Variants in CCDC102B observed in about 807,000 individuals in gnomAD.
CCDC102B encodes coiled-coil domain-containing protein 102B.
In CCDC102B, 75 loss-of-function variants were observed where a neutral mutation model predicts 57.4. The observed-to-expected ratio is 1.31, with a 90% CI of 1.08 to 1.58. The LOEUF (loss-of-function observed/expected upper bound fraction) is 1.58, where lower values mean the gene tolerates loss of function less well. CCDC102B is among the 40% of genes most tolerant of loss of function. The pLI is 0.00. For missense variants in CCDC102B, 636 were observed against 582.6 expected, an observed-to-expected ratio of 1.09 and a Z score of -0.94; for synonymous variants, 206 against 201.9, an observed-to-expected ratio of 1.02 and a Z score of -0.17.
At chr18:68,804,342 A>T (rs1283329539) in intron 1 of CCDC102B, among the ~76,000 whole-genome samples, 2 of 152,198 alleles carry the variant, frequency 1.3e-5, no homozygotes, top group Admixed American at 1.3e-4. Flanking sequence ...CTGATTAGAT[A>T]TCCTTAGTGA....
chr18:68,884,583 TACACACAC>T (rs35333428), intron 5 of CCDC102B, among the ~76,000 whole-genome samples: 1 of 147,898 alleles, frequency 6.8e-6, no homozygotes, highest in Non-Finnish European at 1.5e-5. Context: ...ACAATACAAA[TACACACAC>T]ACACACACAC....
At chr18:68,836,705 A>C in intron 1 of CCDC102B, 44 bp from the exon 2 acceptor site, 1 of 1,460,580 alleles carries the variant, frequency 6.8e-7, no homozygotes, top group Non-Finnish European at 9.2e-7. Flanking sequence ...CTGTATTTAC[A>C]AGGGAAATTT....
chr18:68,998,485 A>G (rs1478203084), intron 6 of CCDC102B, among the ~76,000 whole-genome samples: 1 of 149,798 alleles, frequency 6.7e-6, no homozygotes, highest in Non-Finnish European at 1.5e-5. Flanking sequence ...CTAATAGGAT[A>G]GATGCATAGG....
At chr18:68,789,190 G>A (rs534867206) in intron 2 of CCDC102B, among the ~76,000 whole-genome samples, 4 of 152,238 alleles carry the variant, frequency 2.6e-5, no homozygotes, top group African/African-American at 4.8e-5. Context: ...CGTTTCTGCC[G>A]AGAGATCTGC....
intron 6 of CCDC102B, among the ~76,000 whole-genome samples, chr18:68,987,943 G>A (rs926503779): frequency 5.3e-5 from 8 of 152,186 alleles, no homozygotes; most frequent in East Asian, 1.9e-4. Context: ...TACACTGTTG[G>A]CAGGAATGTA....
intron 5 of CCDC102B, among the ~76,000 whole-genome samples, chr18:68,887,275 C>A (rs2039923215): frequency 6.6e-6 from 1 of 152,030 alleles, no homozygotes; most frequent in Admixed American, 6.6e-5. Flanking sequence ...CAGGTAAAAA[C>A]AAGCGTAATA....
chr18:69,011,359 C>A (rs955449010), intron 7 of CCDC102B: 6 of 320,660 alleles, frequency 1.9e-5, no homozygotes, highest in Non-Finnish European at 3.1e-5. Flanking sequence ...TGTGCACGTG[C>A]GCATGTGTGT....
At chr18:68,769,269 A>G (rs1213361009) in intron 2 of CCDC102B, among the ~76,000 whole-genome samples, 1 of 151,864 alleles carries the variant, frequency 6.6e-6, no homozygotes, top group African/African-American at 2.4e-5. Context: ...AAAAAAAAAA[A>G]GATTGAATCG....
chr18:68,865,323 A>C (rs1265880559), intron 4 of CCDC102B, among the ~76,000 whole-genome samples: 1 of 152,004 alleles, frequency 6.6e-6, no homozygotes, highest in South Asian at 2.1e-4. Flanking sequence ...GATTTTCTTA[A>C]CCTACTTGTA....
chr18:68,903,986 C>A (rs932746873), intron 6 of CCDC102B, among the ~76,000 whole-genome samples: 1 of 152,164 alleles, frequency 6.6e-6, no homozygotes, highest in Non-Finnish European at 1.5e-5. Flanking sequence ...TAGTTTATTT[C>A]ATCAGTGGTT....
At chr18:68,902,036 C>A (rs761435564) in intron 6 of CCDC102B, among the ~76,000 whole-genome samples, 2 of 152,218 alleles carry the variant, frequency 1.3e-5, no homozygotes, top group Non-Finnish European at 2.9e-5. Flanking sequence ...TGCTGGTCCA[C>A]AGACTGCACT....
chr18:68,738,622 C>T (rs1372416094), intron 2 of CCDC102B, among the ~76,000 whole-genome samples: 1 of 152,196 alleles, frequency 6.6e-6, no homozygotes, highest in Admixed American at 6.5e-5. Flanking sequence ...ATGGCTGCTT[C>T]ATCTGAGCCC....
intron 7 of CCDC102B, among the ~76,000 whole-genome samples, chr18:69,021,618 C>T (rs574427148): frequency 5.9e-5 from 9 of 152,256 alleles, no homozygotes; most frequent in African/African-American, 2.2e-4. Flanking sequence ...GTCAAGATGG[C>T]GGTATTCACA....
chr18:69,017,270 C>T (rs562046739), intron 7 of CCDC102B, among the ~76,000 whole-genome samples: 15 of 152,106 alleles, frequency 9.9e-5, no homozygotes, highest in African/African-American at 3.6e-4. Flanking sequence ...TGCTTGCCAC[C>T]ATGCCTGGCT....
In CCDC102B at chr18:69,029,756, G is replaced by A. The variant is rs188038763; in HGVS notation, c.1434+18652G>A. ...GGGCAGGTAAAATTGTTTAAAGTTG[G>A]TTCCAGGAACACAAATCACAGGCAA... On this transcript the variant is annotated intron_variant, in intron 7 of 7. Coordinates refer to ENST00000360242, the MANE Select transcript of CCDC102B (RefSeq NM_024781.3). Among the ~76,000 whole-genome samples the A allele has an allele frequency of 3.7e-3, 564 of 152,230 alleles. 3 individuals are homozygous for A. Among genetic ancestry groups the A allele is most frequent in the Non-Finnish European group, 6.5e-3 (441 of 68,006 alleles).
chr18:68,725,079 A>G (rs1207324018), intron 2 of CCDC102B, among the ~76,000 whole-genome samples: 1 of 152,154 alleles, frequency 6.6e-6, no homozygotes, highest in Non-Finnish European at 1.5e-5. Context: ...TGAAGAGGGA[A>G]GCCCCTTATA....
intron 2 of CCDC102B, among the ~76,000 whole-genome samples, chr18:68,790,324 C>CAGAA (rs2035394740): frequency 6.6e-6 from 1 of 151,730 alleles, no homozygotes; most frequent in South Asian, 2.1e-4. Context: ...CGTACAGAGG[C>CAGAA]AGGCAGGCCT....
chr18:68,879,871 C>T (rs554122128), intron 5 of CCDC102B, among the ~76,000 whole-genome samples: 1 of 152,300 alleles, frequency 6.6e-6, no homozygotes, highest in African/African-American at 2.4e-5. Context: ...TATTTACAAT[C>T]CCGGGGCTAG....
Position 68,999,113 on chromosome 18 carries a change from C to T in CCDC102B, c.1264-11821C>T, listed in dbSNP as rs1395733864. Among the ~76,000 whole-genome samples, 3 of 149,982 alleles carry T rather than the reference C, an allele frequency of 2.0e-5. No individual in the cohort carries two copies. In the East Asian group the frequency reaches 5.9e-4, roughly 30 times the overall value. ...GTTGGCTATCCAGAAGCCATTAGTG[C>T]TTTTGACATGAGAAGTTTTCCTGGA... On this transcript the variant is annotated intron_variant, in intron 6 of 7. Coordinates refer to ENST00000360242, the MANE Select transcript of CCDC102B (RefSeq NM_024781.3).
Sources: gnomAD v4.1 joint callset for allele counts (sites outside exome capture counted in the v4.1 genomes callset) on GRCh38, gnomAD v4.1.1 for gene constraint, MANE v1.5 for transcripts, NCBI Gene and HGNC (gene_info 2026-07-23, HGNC 2026-07-21) for gene names.